Variants in ARMC9 observed in about 807,000 individuals in gnomAD.
The protein encoded by ARMC9 is lisH domain-containing protein ARMC9.
A neutral mutation model predicts 107.0 loss-of-function variants in ARMC9; 94 were observed. That is an observed-to-expected ratio of 0.88 (90% CI 0.74 to 1.04). ARMC9 has a LOEUF of 1.04. ARMC9 is among the 50% of genes least tolerant of loss of function. The probability of loss-of-function intolerance (pLI) is 0.00; values close to 1 mark genes in which losing one functional copy is unlikely to be tolerated. For synonymous variants in ARMC9, 380 were observed against 396.9 expected, an observed-to-expected ratio of 0.96 and a Z score of 0.51; for missense variants, 942 against 1,030.1, an observed-to-expected ratio of 0.91 and a Z score of 1.17.
intron 9 of ARMC9, among the ~76,000 whole-genome samples, chr2:231,253,027 ACAAT>A (rs1041522036): frequency 4.6e-5 from 7 of 152,202 alleles, no homozygotes; most frequent in South Asian, 2.1e-4. Flanking sequence ...CTTTATTAAA[ACAAT>A]CAAGGGTTAA....
chr2:231,372,748 G>GTGTGTGTGTGTGTA lies in ARMC9; in HGVS notation c.*1220_*1221insGTGTGTATGTGTGT, dbSNP rs2125602627. 1 of 93,754 alleles carries GTGTGTGTGTGTGTA rather than the reference G, an allele frequency of 1.1e-5. No homozygotes were observed. Among genetic ancestry groups the GTGTGTGTGTGTGTA allele is most frequent in the African/African-American group, 1.3e-4 (1 of 7,980 alleles). 5.8% of individuals were successfully genotyped at this position (93,754 alleles called of 1,614,324 possible). A position where few individuals can be genotyped will look rare whatever the true frequency, so the allele number is the denominator to read the frequency against. On this transcript the variant is annotated 3_prime_UTR_variant, in exon 25 of 25. Coordinates refer to ENST00000611582, the MANE Select transcript of ARMC9 (RefSeq NM_001352754.2). ...TGTGTGTGTGTGTGTGTGTGTGTGTGTGTGTGTATGAGTGTATGAAGGGAA... is the reference window on the plus strand; with the variant it reads ...TGTGTGTGTGTGTGTGTGTGTGTGTGTGTGTGTGTGTGTATGTGTGTATGAGTGTATGAAGGGAA...
intron 16 of ARMC9, among the ~76,000 whole-genome samples, chr2:231,281,215 C>A (rs376486157): frequency 8.1e-6 from 1 of 122,714 alleles, no homozygotes; most frequent in Non-Finnish European, 1.7e-5. Flanking sequence ...AGTGAGTGGC[C>A]TGTATGGGGG....
chr2:231,296,182 CTT>C lies in ARMC9; in HGVS notation c.1718-10_1718-9del, dbSNP rs777998375. 6.2e-7 allele frequency: 1 copy of C among 1,602,780 alleles called. No homozygotes were observed. The highest frequency in any genetic ancestry group is 1.3e-5 in the African/African-American group (1 of 74,424). On this transcript the variant is annotated splice_polypyrimidine_tract_variant and intron_variant, in intron 18 of 24. Transcript: ENST00000611582. ...ACTGTTTATCCATTATTCATTGATT[CTT>C]TTTTTCTTTATAGAAGAGCTACCAG... is the stretch of plus-strand genomic sequence containing the variant.
intron 24 of ARMC9, among the ~76,000 whole-genome samples, 192 bp from the exon 25 acceptor site, chr2:231,371,321 C>T (rs961637743): frequency 1.3e-5 from 2 of 152,184 alleles, no homozygotes; most frequent in South Asian, 2.1e-4. Flanking sequence ...CTGAGTGACC[C>T]GCACCAAGCA....
At chr2:231,273,587 G>T (rs997280714) in intron 14 of ARMC9, among the ~76,000 whole-genome samples, 1 of 152,124 alleles carries the variant, frequency 6.6e-6, no homozygotes, top group Non-Finnish European at 1.5e-5. Context: ...GCTAATTTCT[G>T]TATTTCTAGT....
At chr2:231,270,710 A>G in intron 12 of ARMC9, 1 of 596,214 alleles carries the variant, frequency 1.7e-6, no homozygotes, top group Non-Finnish European at 3.2e-6. Context: ...GGTAACAGCA[A>G]ACAGGACTGC....
chr2:231,277,332 A>G (rs1196167394), intron 15 of ARMC9, among the ~76,000 whole-genome samples: 1 of 152,158 alleles, frequency 6.6e-6, no homozygotes, highest in Non-Finnish European at 1.5e-5. Flanking sequence ...CTGGGATGAA[A>G]GAAGCTTCTT....
intron 21 of ARMC9, 27 bp from the exon 22 acceptor site, chr2:231,355,771 A>T: frequency 6.6e-7 from 1 of 1,520,450 alleles, no homozygotes; most frequent in South Asian, 1.2e-5. Context: ...GGCTGTACTC[A>T]CTGCCGTTTT....
Position 231,271,037 on chromosome 2 carries a change from C to T in ARMC9, c.1175C>T (p.Ala392Val), listed in dbSNP as rs377378221. 1.9e-4 allele frequency: 312 copies of T among 1,614,016 alleles called. No individual in the cohort carries two copies. Among genetic ancestry groups the T allele is most frequent in the Non-Finnish European group, 2.6e-4 (301 of 1,180,046 alleles). Residue 392 changes from alanine (A) to valine (V), a missense_variant, in exon 13 of 25, where the codon GCC (alanine) becomes GTC (valine). Ala to Val is a moderately conservative substitution (Grantham distance 64, BLOSUM62 0). Transcript: ENST00000611582. ...STSDVVRQYMARLINAFASLA... is the reference protein window; with the variant it reads ...STSDVVRQYMVRLINAFASLA... ...AGCGACGTGGTGCGGCAGTACATGG[C>T]CAGGCTCATCAATGCTTTTGCGTCA...
At position 231,262,640 on chromosome 2, in the gene ARMC9, A is replaced by G. The variant is rs146866791; in HGVS notation, c.1119+242A>G. ...TTTTCTGCCGTTTTTCCTTTTCTCA[A>G]ATTCCCTACTCTTTACCTCACCTCA... On this transcript the variant is annotated intron_variant, in intron 12 of 24. Coordinates refer to ENST00000611582, the MANE Select transcript of ARMC9 (RefSeq NM_001352754.2). 1.4e-3 allele frequency among the ~76,000 whole-genome samples: 215 copies of G among 152,038 alleles called. 1 individual carries two copies. Among genetic ancestry groups the G allele is most frequent in the African/African-American group, 4.8e-3 (198 of 41,468 alleles).
At chr2:231,260,250 AGATT>A (rs897047011) in intron 11 of ARMC9, among the ~76,000 whole-genome samples, 7 of 152,158 alleles carry the variant, frequency 4.6e-5, no homozygotes, top group Non-Finnish European at 1.0e-4. Flanking sequence ...AGCCTCCCAG[AGATT>A]GATCATAAAA....
chr2:231,262,952 C>G (rs1182538020), intron 12 of ARMC9, among the ~76,000 whole-genome samples: 1 of 151,644 alleles, frequency 6.6e-6, no homozygotes, highest in Non-Finnish European at 1.5e-5. Context: ...GCGCCTGCCT[C>G]GGGAGGTCGT....
At chr2:231,312,205 G>T (rs1184989279) in intron 19 of ARMC9, among the ~76,000 whole-genome samples, 5 of 152,290 alleles carry the variant, frequency 3.3e-5, no homozygotes, top group African/African-American at 1.2e-4. Context: ...GAGGTGGTTT[G>T]GCAGTTGGTG....
chr2:231,346,247 C>T (rs185223202), intron 21 of ARMC9, among the ~76,000 whole-genome samples: 3 of 152,266 alleles, frequency 2.0e-5, no homozygotes, highest in South Asian at 2.1e-4. Context: ...GATGGCCAGG[C>T]GTGGTGGCTC....
intron 5 of ARMC9, among the ~76,000 whole-genome samples, chr2:231,220,313 T>C (rs1007975202): frequency 6.6e-6 from 1 of 152,102 alleles, no homozygotes; most frequent in African/African-American, 2.4e-5. Context: ...ATTAAAACTT[T>C]AGGCCAGGTG....
At position 231,280,176 on chromosome 2, in the gene ARMC9, G is replaced by A. The variant is rs150826209; in HGVS notation, c.1551+1718G>A. 1.8e-4 allele frequency among the ~76,000 whole-genome samples: 27 copies of A among 152,292 alleles called. No homozygotes were observed. The East Asian group carries it at 3.9e-3, about 22-fold the overall frequency. On this transcript the variant is annotated intron_variant, in intron 16 of 24. Coordinates refer to ENST00000611582, the MANE Select transcript of ARMC9 (RefSeq NM_001352754.2). ...GCTTTGAAAATGAGCTGGATGGGCC[G>A]GGCACGGTGGCTTACGCCTGTAATC...
intron 18 of ARMC9, chr2:231,295,974 T>A (rs2041335809): frequency 2.6e-6 from 1 of 378,204 alleles, no homozygotes; most frequent in African/African-American, 2.1e-5. Flanking sequence ...CATGCTACTA[T>A]AATCATGTTC....
At chr2:231,206,865 G>GC (rs1402426347) in intron 2 of ARMC9, among the ~76,000 whole-genome samples, 2 of 152,244 alleles carry the variant, frequency 1.3e-5, no homozygotes, top group African/African-American at 4.8e-5. Flanking sequence ...GTTCGCGCTT[G>GC]CTGCTGCTTA....
chr2:231,333,941 G>A (rs946325794), intron 20 of ARMC9, among the ~76,000 whole-genome samples: 13 of 152,246 alleles, frequency 8.5e-5, no homozygotes, highest in Non-Finnish European at 1.6e-4. Flanking sequence ...CAACAAAAAA[G>A]CAAGGTGCAG....
Sources: allele counts gnomAD v4.1 joint callset (sites outside exome capture counted in the v4.1 genomes callset), GRCh38; gene constraint gnomAD v4.1.1; transcripts MANE v1.5; gene names NCBI Gene and HGNC (gene_info 2026-07-23, HGNC 2026-07-21).